The following PPP3CB variants were observed in gnomAD, a reference collection of about 807,000 sequenced individuals.
PPP3CB encodes serine/threonine-protein phosphatase 2B catalytic subunit beta isoform.
In PPP3CB, 8 loss-of-function variants were observed where a neutral mutation model predicts 66.4. The ratio of observed to expected loss-of-function variants is 0.12; its 90% CI spans 0.07 to 0.22. The LOEUF is 0.22. Ranked by LOEUF, PPP3CB falls within the 10% of genes least tolerant of loss-of-function variation. PPP3CB has a pLI of 1.00. For missense variants in PPP3CB, 319 were observed against 642.5 expected (o/e 0.50, Z 5.44); for synonymous variants, 208 against 221.2 (o/e 0.94, Z 0.53).
chr10:73,436,445 T>C lies in PPP3CB; in HGVS notation c.*1797A>G, dbSNP rs111877372. 2.6e-5 allele frequency: 4 copies of C among 152,150 alleles called. No individual in the cohort carries two copies. Among genetic ancestry groups the C allele is most frequent in the African/African-American group, 9.7e-5 (4 of 41,432 alleles). The allele number at this position is 152,150 out of a possible 1,614,324, so 9.4% of individuals were successfully genotyped here. On this transcript the variant is annotated 3_prime_UTR_variant, in exon 14 of 14. Coordinates refer to ENST00000360663, the MANE Select transcript of PPP3CB (RefSeq NM_021132.4). The stretch of plus-strand genomic sequence containing the variant: ...TAGGAAAATGCAATTATCACTAATA[T>C]TTTTCTTATTGTTAGAACACCCAGT...
chr10:73,476,487 G>A (rs2056790966), intron 3 of PPP3CB, among the ~76,000 whole-genome samples: 1 of 151,826 alleles, frequency 6.6e-6, no homozygotes, highest in Admixed American at 6.6e-5. Flanking sequence ...AGTGGTGGTG[G>A]GCACCTGTAA....
chr10:73,491,945 C>T (rs1317142064), intron 1 of PPP3CB, among the ~76,000 whole-genome samples: 1 of 151,570 alleles, frequency 6.6e-6, no homozygotes. Flanking sequence ...CCAGTCTAGG[C>T]AAGAAGAGCG....
intron 1 of PPP3CB, among the ~76,000 whole-genome samples, chr10:73,482,542 C>CA (rs537336452): frequency 0.19 from 7,014 of 36,272 alleles, 1,055 homozygotes; most frequent in East Asian, 0.46. Context: ...GACTCCGTCT[C>CA]AAAAAAAAAA....
intron 1 of PPP3CB, among the ~76,000 whole-genome samples, chr10:73,487,078 G>A (rs1056292125): frequency 2.0e-5 from 3 of 152,172 alleles, no homozygotes; most frequent in Non-Finnish European, 4.4e-5. Flanking sequence ...GCTGAGGCAC[G>A]AGAATTGCTT....
intron 9 of PPP3CB, among the ~76,000 whole-genome samples, chr10:73,463,941 C>CT (rs1213745146): frequency 2.0e-5 from 3 of 150,630 alleles, no homozygotes; most frequent in Non-Finnish European, 3.0e-5. Context: ...GGCCTCTCCT[C>CT]TTTTTTTGAG....
At chr10:73,468,035 C>A (rs886760917) in intron 8 of PPP3CB, among the ~76,000 whole-genome samples, 1 of 152,016 alleles carries the variant, frequency 6.6e-6, no homozygotes, top group African/African-American at 2.4e-5. Flanking sequence ...TGGCAATGAG[C>A]AATTTTCTAG....
At chr10:73,488,877 T>C (rs1444547017) in intron 1 of PPP3CB, among the ~76,000 whole-genome samples, 1 of 152,222 alleles carries the variant, frequency 6.6e-6, no homozygotes, top group African/African-American at 2.4e-5. Flanking sequence ...AAATCTCCAC[T>C]GTTGCAATAC....
intron 10 of PPP3CB, among the ~76,000 whole-genome samples, chr10:73,452,788 ATATAC>A (rs1350654994): frequency 3.9e-5 from 6 of 152,216 alleles, no homozygotes; most frequent in African/African-American, 1.4e-4. Flanking sequence ...CTGATAATAA[ATATAC>A]TATGTCAGTT....
intron 1 of PPP3CB, among the ~76,000 whole-genome samples, chr10:73,485,252 T>C (rs1352715496): frequency 2.0e-5 from 3 of 152,012 alleles, no homozygotes; most frequent in Non-Finnish European, 2.9e-5. Flanking sequence ...GTATGGTGGC[T>C]AAAAAAACAA....
At position 73,436,626 on chromosome 10, in the gene PPP3CB, A is replaced by AGT. The variant is rs1407265435; in HGVS notation, c.*1614_*1615dup. The AGT allele has an allele frequency of 6.6e-6, 1 of 152,216 alleles. No homozygotes were observed. The highest frequency in any genetic ancestry group is 1.5e-5 in the Non-Finnish European group (1 of 68,040). 9.4% of individuals were successfully genotyped at this position (152,216 alleles called of 1,614,324 possible). A position where few individuals can be genotyped will look rare whatever the true frequency, so the allele number is the denominator to read the frequency against. ...CAGTTACTAATGCTCATGTAAAACA[A>AGT]GTATATAACAAAAGTTTTTTTTAAG... is the stretch of plus-strand genomic sequence containing the variant. On this transcript the variant is annotated 3_prime_UTR_variant, in exon 14 of 14. Transcript: ENST00000360663.
rs1184689679 is a variant in PPP3CB, at chr10:73,437,454, A to C, written c.*788T>G. 1 of 152,706 alleles carries C rather than the reference A, an allele frequency of 6.5e-6. No homozygotes were observed. Among genetic ancestry groups the C allele is most frequent in the African/African-American group, 2.4e-5 (1 of 41,484 alleles). 9.5% of individuals were successfully genotyped at this position (152,706 alleles called of 1,614,324 possible). On this transcript the variant is annotated 3_prime_UTR_variant, in exon 14 of 14. Coordinates refer to ENST00000360663, the MANE Select transcript of PPP3CB (RefSeq NM_021132.4). Reference sequence around the variant, plus strand: ...AGTTTTACAGACATGATTTGAATTAAAATTTACTTTGACAATGTACAAACT... The same window carrying C: ...AGTTTTACAGACATGATTTGAATTACAATTTACTTTGACAATGTACAAACT...
chr10:73,494,013 T>C (rs970168400), intron 1 of PPP3CB, among the ~76,000 whole-genome samples: 1 of 152,190 alleles, frequency 6.6e-6, no homozygotes, highest in Non-Finnish European at 1.5e-5. Flanking sequence ...TGTGATTGGT[T>C]ACCCCATCTA....
intron 3 of PPP3CB, among the ~76,000 whole-genome samples, chr10:73,477,428 T>C (rs1000579641): frequency 1.3e-5 from 2 of 152,168 alleles, no homozygotes; most frequent in African/African-American, 2.4e-5. Flanking sequence ...GTTTATTAGA[T>C]GGAAAACAAT....
chr10:73,467,514 A>G, intron 9 of PPP3CB, 39 bp downstream of exon 9: 3 of 1,411,090 alleles, frequency 2.1e-6, no homozygotes, highest in South Asian at 1.5e-5. Context: ...TAAATGTAAC[A>G]GTAATAAAAC....
At chr10:73,459,717 C>T (rs1178144754) in intron 9 of PPP3CB, among the ~76,000 whole-genome samples, 2 of 152,200 alleles carry the variant, frequency 1.3e-5, no homozygotes, top group Admixed American at 6.5e-5. Flanking sequence ...AGAGCACACA[C>T]TGTGTGATTC....
intron 1 of PPP3CB, among the ~76,000 whole-genome samples, chr10:73,493,107 C>T (rs1238525595): frequency 2.0e-5 from 3 of 152,000 alleles, no homozygotes; most frequent in Non-Finnish European, 4.4e-5. Context: ...AACCCCGTCT[C>T]TGCTAAAAAA....
intron 6 of PPP3CB, 37 bp from the exon 7 acceptor site, chr10:73,471,001 G>A: frequency 6.2e-7 from 1 of 1,605,368 alleles, no homozygotes; most frequent in Non-Finnish European, 8.5e-7. Context: ...TAAAATAATG[G>A]CTTTTCTGTA....
intron 10 of PPP3CB, among the ~76,000 whole-genome samples, chr10:73,447,481 T>TACG (rs1204424879): frequency 1.3e-5 from 2 of 152,174 alleles, no homozygotes; most frequent in Non-Finnish European, 2.9e-5. Context: ...TGTGGTTCCT[T>TACG]AGAGCCGTGC....
At position 73,484,720 on chromosome 10, in the gene PPP3CB, C is replaced by A. The variant is rs181371902; in HGVS notation, c.86-5203G>T. ...TAAATGCAATATAAATAGTCAACAA[C>A]TGAAATGGCTAATAATATTTGTTGG... On this transcript the variant is annotated intron_variant, in intron 1 of 13. Coordinates refer to ENST00000360663, the MANE Select transcript of PPP3CB (RefSeq NM_021132.4). 1.6e-4 allele frequency among the ~76,000 whole-genome samples: 24 copies of A among 152,130 alleles called. No homozygotes were observed. In the East Asian group the frequency reaches 4.4e-3, roughly 28 times the overall value.
Sources: allele counts gnomAD v4.1 joint callset (sites outside exome capture counted in the v4.1 genomes callset), GRCh38; gene constraint gnomAD v4.1.1; transcripts MANE v1.5; gene names NCBI Gene and HGNC (gene_info 2026-07-23, HGNC 2026-07-21).